The following LCT variants were observed in gnomAD, a reference collection of about 807,000 sequenced individuals.
LCT encodes lactase, also known as lactase/phlorizin hydrolase.
Under a neutral mutation model 173.0 loss-of-function variants are expected in LCT, and 90 were observed. The observed-to-expected ratio is 0.52, with a 90% CI of 0.44 to 0.62. The LOEUF (loss-of-function observed/expected upper bound fraction) is 0.62, where lower values mean the gene tolerates loss of function less well. LCT is among the 20% of genes least tolerant of loss of function. The pLI is 0.00. For synonymous variants in LCT, 853 were observed against 957.6 expected (o/e 0.89, Z 2.02); for missense variants, 1,864 against 2,431.4 (o/e 0.77, Z 4.91).
chr2:135,791,664 C>T (rs2077534117), intron 14 of LCT, among the ~76,000 whole-genome samples: 1 of 152,128 alleles, frequency 6.6e-6, no homozygotes, highest in African/African-American at 2.4e-5. Context: ...CCAGGGACAG[C>T]CCCAGGGCTC....
chr2:135,807,042 G>A, intron 9 of LCT, 86 bp downstream of exon 9: 1 of 1,458,360 alleles, frequency 6.9e-7, no homozygotes, highest in East Asian at 2.3e-5. Context: ...TCCTGTTCAT[G>A]CATCTGCCCT....
At chr2:135,807,490 T>C in intron 8 of LCT, 94 bp from the exon 9 acceptor site, 1 of 1,242,916 alleles carries the variant, frequency 8.0e-7, no homozygotes, top group Non-Finnish European at 1.2e-6. Flanking sequence ...AATTCAAGGT[T>C]GTGGTCCTAA....
chr2:135,800,929 T>C, intron 11 of LCT, 120 bp from the exon 12 acceptor site: 1 of 783,026 alleles, frequency 1.3e-6, no homozygotes, highest in South Asian at 1.5e-5. Context: ...ATTCTGACAC[T>C]AGGAAAACTG....
intron 2 of LCT, among the ~76,000 whole-genome samples, chr2:135,830,077 G>A (rs570969216): frequency 1.1e-4 from 16 of 152,126 alleles, no homozygotes; most frequent in Non-Finnish European, 1.9e-4. Context: ...GGGGGTGGTG[G>A]AGCCTTCAGC....
At chr2:135,824,926 T>G (rs1432089945) in intron 3 of LCT, among the ~76,000 whole-genome samples, 1 of 144,476 alleles carries the variant, frequency 6.9e-6, no homozygotes, top group African/African-American at 2.6e-5. Context: ...TCGCTCGAAC[T>G]CAAGAGGCAG....
chr2:135,803,369 T>C (rs952369841), intron 11 of LCT, among the ~76,000 whole-genome samples: 1 of 152,202 alleles, frequency 6.6e-6, no homozygotes, highest in African/African-American at 2.4e-5. Context: ...GGGTCAGATG[T>C]GTTTTGGAAT....
rs1466444140 is a variant in LCT, at chr2:135,804,840, T to C, written c.4391A>G (p.Tyr1464Cys). 1 of 1,614,018 alleles carries C rather than the reference T, an allele frequency of 6.2e-7. No individual in the cohort carries two copies. The highest frequency in any genetic ancestry group is 2.2e-5 in the East Asian group (1 of 44,870). The change falls in exon 10 of 17, where the codon TAC becomes TGC. Residue 1464 changes from tyrosine (Y) to cysteine (C), a missense_variant. Transcript: ENST00000264162. ...SRILPDGTTR[Y>C]INEAGLNYYV... The stretch of plus-strand genomic sequence containing the variant: ...GTAGTTCAGGCCCGCTTCATTGATG[T>C]ACCTGGTGGTTCCATCAGGGAGGAT...
chr2:135,798,167 G>C, intron 12 of LCT, 29 bp from the exon 13 acceptor site: 1 of 1,193,474 alleles, frequency 8.4e-7, no homozygotes. Context: ...AGACAGCCCA[G>C]GCGTTACAGG....
intron 5 of LCT, among the ~76,000 whole-genome samples, chr2:135,821,338 T>C (rs1558742782): frequency 6.6e-6 from 1 of 152,208 alleles, no homozygotes; most frequent in Non-Finnish European, 1.5e-5. Context: ...CTTTCCTGTC[T>C]ATGCTGTCTC....
intron 7 of LCT, among the ~76,000 whole-genome samples, chr2:135,812,105 CA>C: frequency 6.6e-6 from 1 of 152,114 alleles, no homozygotes; most frequent in Middle Eastern, 3.4e-3. Flanking sequence ...CAAAATAAAA[CA>C]AAAAAACCAC....
At chr2:135,802,903 C>T (rs1446199698) in intron 11 of LCT, among the ~76,000 whole-genome samples, 4 of 151,960 alleles carry the variant, frequency 2.6e-5, no homozygotes, top group South Asian at 2.1e-4. Flanking sequence ...CCTGAGGTCA[C>T]GAGTTCGAGA....
At chr2:135,803,584 A>G (rs565725482) in intron 11 of LCT, among the ~76,000 whole-genome samples, 33 of 152,282 alleles carry the variant, frequency 2.2e-4, no homozygotes, top group Non-Finnish European at 4.4e-5. Flanking sequence ...ATTGTCAGAA[A>G]CTTTGGGGTT....
At position 135,833,149 on chromosome 2, in the gene LCT, C is replaced by G; in HGVS notation, c.682G>C (p.Glu228Gln). The G allele has an allele frequency of 6.2e-7, 1 of 1,613,988 alleles. No homozygotes were observed. Among genetic ancestry groups the G allele is most frequent in the Non-Finnish European group, 8.5e-7 (1 of 1,179,998 alleles). Reference sequence around the variant, plus strand: ...GATATGGGTGGTTCTAGCAGGAGCTCCGGGATATCTTCAGCTCGCAGGACA... The same window carrying G: ...GATATGGGTGGTTCTAGCAGGAGCTGCGGGATATCTTCAGCTCGCAGGACA... ...SVVLRAEDIP[E>Q]LLLEPPISAL... The change falls in exon 2 of 17, where the codon GAG (glutamate) becomes CAG (glutamine). Residue 228 changes from glutamate to glutamine, a missense_variant. Transcript: ENST00000264162.
At chr2:135,824,096 T>C (rs967251569) in intron 3 of LCT, 93 bp from the exon 4 acceptor site, 9 of 831,930 alleles carry the variant, frequency 1.1e-5, no homozygotes, top group Non-Finnish European at 1.9e-5. Context: ...GCTGTGGCAC[T>C]TACTCTGGCT....
chr2:135,809,851 C>A lies in LCT; in HGVS notation c.2496G>T (p.Arg832Ser). The change falls in exon 8 of 17, where the codon AGG (arginine) becomes AGT (serine). Residue 832 changes from arginine to serine, a missense_variant. Transcript: ENST00000264162. This position sits in a 1 kb window ranked among gnomAD's most constrained non-coding sequence, Gnocchi z 5.5. ...TGCTAGTGAAAAAGTAGGCAGATTT[C>A]CTGGGAGTCCTTGACTTGCTGCTGT... ...FSDSSKSRTP[R>S]KSAYFFTSII... 3 of 1,614,148 alleles carry A rather than the reference C, an allele frequency of 1.9e-6. No homozygotes were observed. Among genetic ancestry groups the A allele is most frequent in the Non-Finnish European group, 8.5e-7 (1 of 1,180,036 alleles).
At chr2:135,824,932 G>A (rs2077872283) in intron 3 of LCT, among the ~76,000 whole-genome samples, 1 of 149,606 alleles carries the variant, frequency 6.7e-6, no homozygotes, top group Non-Finnish European at 1.5e-5. Context: ...GAACTCAAGA[G>A]GCAGAGGTTG....
At chr2:135,793,158 G>A (rs780913874) in intron 14 of LCT, among the ~76,000 whole-genome samples, 22 of 152,196 alleles carry the variant, frequency 1.4e-4, no homozygotes, top group Non-Finnish European at 3.1e-4. Context: ...CGCATAACCA[G>A]CGTTTGAGAA....
Position 135,807,141 on chromosome 2 carries a change from G to A in LCT, c.4160C>T (p.Ser1387Phe). The A allele has an allele frequency of 1.2e-6, 2 of 1,614,132 alleles. No individual in the cohort carries two copies. The change falls in exon 9 of 17, where the codon TCT becomes TTT. Residue 1387 changes from serine (S) to phenylalanine (F), a missense_variant. Around this residue, in one of 4 missense-constraint regions of LCT, gnomAD observed 514 missense variants for 750.1 expected, o/e 0.69. Coordinates refer to ENST00000264162, the MANE Select transcript of LCT (RefSeq NM_002299.4). ...TGAACTCCTCACCTGATATGCAGCA[G>A]AAGCTGCACTCCAGATGAAGCCCTC... ...FPEGFIWSAA[S>F]AAYQIEGAWR...
At chr2:135,827,017 C>A (rs886625330) in intron 3 of LCT, among the ~76,000 whole-genome samples, 2 of 152,086 alleles carry the variant, frequency 1.3e-5, no homozygotes, top group African/African-American at 2.4e-5. Context: ...CTCTCTCTGT[C>A]CCCTGGGCTG....
Sources: allele counts gnomAD v4.1 joint callset (sites outside exome capture counted in the v4.1 genomes callset), GRCh38; gene constraint gnomAD v4.1.1; regional missense constraint gnomAD v4.1.1; non-coding constraint Gnocchi (gnomAD v3.1); transcripts MANE v1.5; gene names NCBI Gene and HGNC (gene_info 2026-07-23, HGNC 2026-07-21).